PINX1: variants seen among roughly 807,000 people sequenced by gnomAD.
The protein encoded by PINX1 is PIN2 (TERF1) interacting telomerase inhibitor 1.
In PINX1, 34 loss-of-function variants were observed where a neutral mutation model predicts 25.4. The observed-to-expected ratio is 1.34, with a 90% CI of 1.02 to 1.78. PINX1 has a LOEUF of 1.78. Among genes scored for constraint, PINX1 ranks in the 40% most tolerant of loss-of-function variants. The pLI is 0.00. For missense variants in PINX1, 592 were observed against 404.9 expected, an observed-to-expected ratio of 1.46 and a Z score of -3.97; for synonymous variants, 197 against 147.7, an observed-to-expected ratio of 1.33 and a Z score of -2.42.
intron 6 of PINX1, among the ~76,000 whole-genome samples, chr8:10,797,372 GA>G (rs750335578): frequency 6.6e-6 from 1 of 152,150 alleles, no homozygotes; most frequent in Non-Finnish European, 1.5e-5. Flanking sequence ...GGGTGTGCTG[GA>G]AGACACTTCT....
At chr8:10,797,514 T>A (rs1038933703) in intron 6 of PINX1, among the ~76,000 whole-genome samples, 3 of 152,158 alleles carry the variant, frequency 2.0e-5, no homozygotes, top group Non-Finnish European at 4.4e-5. Flanking sequence ...GAAACAACTT[T>A]CTAAAAACAA....
rs1394542758 is a variant in PINX1 at position 10,765,258 on chromosome 8, G to A, written c.*143C>T. 5 of 669,306 alleles carry A rather than the reference G, an allele frequency of 7.5e-6. No homozygotes were observed. Among genetic ancestry groups the A allele is most frequent in the East Asian group, 2.8e-5 (1 of 35,668 alleles). 41.5% of individuals were successfully genotyped at this position (669,306 alleles called of 1,614,324 possible). On this transcript the variant is annotated 3_prime_UTR_variant, in exon 7 of 7. Coordinates refer to ENST00000314787, the MANE Select transcript of PINX1 (RefSeq NM_017884.6). ...TAACTTGGGGGAAATGTGGCGAGAG[G>A]GCAGGACTCGGCAGCCCATGGGCAT...
rs1442405738 is a variant in PINX1 at position 10,765,277 on chromosome 8, T to C, written c.*124A>G. On this transcript the variant is annotated 3_prime_UTR_variant, in exon 7 of 7. Transcript: ENST00000314787. ...CGAGAGGGCAGGACTCGGCAGCCCA[T>C]GGGCATGCCACAAGATGCGCCCAGG... 1.1e-6 allele frequency: 1 copy of C among 869,716 alleles called. No individual in the cohort carries two copies. Among genetic ancestry groups the C allele is most frequent in the Non-Finnish European group, 1.7e-6 (1 of 585,552 alleles). The allele number at this position is 869,716 out of a possible 1,614,324, so 53.9% of individuals were successfully genotyped here. A position where few individuals can be genotyped will look rare whatever the true frequency, so the allele number is the denominator to read the frequency against.
intron 6 of PINX1, among the ~76,000 whole-genome samples, chr8:10,770,941 C>G (rs554669982): frequency 2.6e-5 from 4 of 152,296 alleles, no homozygotes; most frequent in Non-Finnish European, 4.4e-5. Flanking sequence ...ACTTTGTTAA[C>G]AAAGTAGACT....
intron 6 of PINX1, among the ~76,000 whole-genome samples, chr8:10,782,883 G>C (rs1441438838): frequency 1.3e-5 from 2 of 152,184 alleles, no homozygotes; most frequent in African/African-American, 4.8e-5. Flanking sequence ...GTCATCTTTG[G>C]AGAATGCTAG....
chr8:10,774,523 C>T (rs1178061977), intron 6 of PINX1, among the ~76,000 whole-genome samples: 1 of 152,172 alleles, frequency 6.6e-6, no homozygotes, highest in Non-Finnish European at 1.5e-5. Flanking sequence ...TCAGGTGATC[C>T]ACCCGCCTCG....
At chr8:10,798,662 C>T (rs1802165963) in intron 6 of PINX1, among the ~76,000 whole-genome samples, 2 of 152,332 alleles carry the variant, frequency 1.3e-5, no homozygotes, top group South Asian at 4.1e-4. Context: ...TTTCCATCTC[C>T]TCCTCAATTA....
chr8:10,832,948 T>C lies in PINX1; in HGVS notation c.166A>G (p.Ile56Val), dbSNP rs780396573. Residue 56 changes from isoleucine (I) to valine (V), a missense_variant, in exon 3 of 7, where the codon ATT (isoleucine) becomes GTT (valine). Physicochemically the swap from Ile to Val is conservative, Grantham distance 29 (BLOSUM62 3). Transcript: ENST00000314787. ...TGGTTATTTTTCACTTGAACTTTAATATGATCTGTGGCTCCTTGCTCCTGA... is the reference window on the plus strand; with the variant it reads ...TGGTTATTTTTCACTTGAACTTTAACATGATCTGTGGCTCCTTGCTCCTGA... ...GAQEQGATDH[I>V]KVQVKNNHLG... 3 of 1,612,132 alleles carry C rather than the reference T, an allele frequency of 1.9e-6. No individual in the cohort carries two copies. The highest frequency in any genetic ancestry group is 2.5e-6 in the Non-Finnish European group (3 of 1,179,002).
At chr8:10,812,079 G>A (rs1035061650) in intron 6 of PINX1, among the ~76,000 whole-genome samples, 2 of 152,258 alleles carry the variant, frequency 1.3e-5, no homozygotes, top group African/African-American at 2.4e-5. Context: ...CAAGGTGAAG[G>A]TAACTTCACC....
chr8:10,800,089 C>T (rs1474127533), intron 6 of PINX1, among the ~76,000 whole-genome samples: 1 of 152,174 alleles, frequency 6.6e-6, no homozygotes, highest in Non-Finnish European at 1.5e-5. Flanking sequence ...TACTGCTAGT[C>T]TTTAGGATTG....
intron 6 of PINX1, among the ~76,000 whole-genome samples, chr8:10,809,118 G>A (rs1219010782): frequency 6.6e-6 from 1 of 152,142 alleles, no homozygotes; most frequent in Non-Finnish European, 1.5e-5. Flanking sequence ...CTAATGTTTG[G>A]TCTCTAATGG....
intron 1 of PINX1, among the ~76,000 whole-genome samples, chr8:10,839,104 G>A (rs1202917515): frequency 6.6e-6 from 1 of 152,168 alleles, no homozygotes; most frequent in Non-Finnish European, 1.5e-5. Context: ...AAGTTCAGCA[G>A]CCTCTACAGA....
intron 6 of PINX1, 114 bp downstream of exon 6, chr8:10,820,079 G>C (rs952208167): frequency 2.0e-5 from 14 of 715,522 alleles, no homozygotes; most frequent in African/African-American, 1.6e-4. Context: ...AGCCTCCAAA[G>C]TGTTTTGGAA....
intron 1 of PINX1, among the ~76,000 whole-genome samples, chr8:10,835,111 A>C (rs991574897): frequency 2.6e-5 from 4 of 152,252 alleles, no homozygotes; most frequent in African/African-American, 9.6e-5. Context: ...GGACACCAGC[A>C]TCCTCATCAC....
intron 6 of PINX1, among the ~76,000 whole-genome samples, chr8:10,799,799 T>C (rs1332990429): frequency 6.6e-6 from 1 of 152,180 alleles, no homozygotes; most frequent in Non-Finnish European, 1.5e-5. Context: ...GACTACAGAC[T>C]AGAACATGGA....
Position 10,809,255 on chromosome 8 carries a change from T to A in PINX1, c.471+10938A>T, listed in dbSNP as rs183349771. Among the ~76,000 whole-genome samples, 14 of 152,284 alleles carry A rather than the reference T, an allele frequency of 9.2e-5. No homozygotes were observed. The East Asian group carries it at 2.3e-3, about 25-fold the overall frequency. On this transcript the variant is annotated intron_variant, in intron 6 of 6. Coordinates refer to ENST00000314787, the MANE Select transcript of PINX1 (RefSeq NM_017884.6). ...CTTAACAAAACCCCTAAGGAGCAAG[T>A]GGCTGGAGGGAAGATCCTCTACCAA...
At chr8:10,797,150 T>G (rs1563216303) in intron 6 of PINX1, among the ~76,000 whole-genome samples, 1 of 152,062 alleles carries the variant, frequency 6.6e-6, no homozygotes, top group Non-Finnish European at 1.5e-5. Context: ...GGGCCTGGTT[T>G]TTCAGCAGGG....
chr8:10,810,286 T>C (rs1278142788), intron 6 of PINX1, among the ~76,000 whole-genome samples: 1 of 152,220 alleles, frequency 6.6e-6, no homozygotes, highest in Non-Finnish European at 1.5e-5. Flanking sequence ...GATTTAACGA[T>C]GACTTCCACA....
At chr8:10,788,863 C>G (rs756076885) in intron 6 of PINX1, among the ~76,000 whole-genome samples, 1 of 152,150 alleles carries the variant, frequency 6.6e-6, no homozygotes, top group South Asian at 2.1e-4. Context: ...CGCCAGAGAC[C>G]GCTACTAATG....
Sources: allele counts gnomAD v4.1 joint callset (sites outside exome capture counted in the v4.1 genomes callset), GRCh38; gene constraint gnomAD v4.1.1; transcripts MANE v1.5; gene names NCBI Gene and HGNC (gene_info 2026-07-23, HGNC 2026-07-21).